Variants in SKOR2 observed in about 807,000 individuals in gnomAD.
SKOR2 encodes the protein LBX1 corepressor 1-like protein.
Under a neutral mutation model 69.1 loss-of-function variants are expected in SKOR2, and 47 were observed. The ratio of observed to expected loss-of-function variants is 0.68; its 90% CI spans 0.54 to 0.87. The LOEUF is 0.87. Ranked by LOEUF, SKOR2 falls within the 40% of genes least tolerant of loss-of-function variation. The pLI is 0.00. For synonymous variants in SKOR2, 717 were observed against 672.6 expected (o/e 1.07, Z -1.02); for missense variants, 1,404 against 1,472.2 (o/e 0.95, Z 0.76).
chr18:47,220,497 C>T (rs1424510960), intron 6 of SKOR2, among the ~76,000 whole-genome samples: 1 of 152,128 alleles, frequency 6.6e-6, no homozygotes, highest in East Asian at 1.9e-4. Flanking sequence ...TCATCTCACT[C>T]CTAAGAGAGA....
intron 4 of SKOR2, among the ~76,000 whole-genome samples, chr18:47,235,780 C>CAAAAAAAAAAAAAAAAAAAA (rs11433396): frequency 1.7e-5 from 1 of 59,274 alleles, no homozygotes; most frequent in Non-Finnish European, 3.6e-5. Context: ...CACAAACAAG[C>CAAAAAAAAAAAAAAAAAAAA]AAAAAAAAAA....
At chr18:47,228,293 A>AT (rs1271417591) in intron 6 of SKOR2, among the ~76,000 whole-genome samples, 3 of 152,042 alleles carry the variant, frequency 2.0e-5, no homozygotes, top group Non-Finnish European at 2.9e-5. Context: ...AAAGAGGAAA[A>AT]TTTTTTTTGT....
At chr18:47,229,645 C>T (rs777728395) in intron 6 of SKOR2, among the ~76,000 whole-genome samples, 2 of 151,864 alleles carry the variant, frequency 1.3e-5, no homozygotes, top group African/African-American at 4.8e-5. Flanking sequence ...CAGAGCAAGA[C>T]TCCATCTCAA....
chr18:47,220,157 G>A (rs2064156846), intron 6 of SKOR2, 147 bp from the exon 7 acceptor site: 1 of 626,568 alleles, frequency 1.6e-6, no homozygotes, highest in African/African-American at 1.8e-5. Flanking sequence ...CTTGTTTGAA[G>A]AATGTTTTCA....
chr18:47,231,194 G>A (rs935708678), intron 4 of SKOR2, 194 bp from the exon 5 acceptor site: 15 of 1,535,776 alleles, frequency 9.8e-6, no homozygotes, highest in Non-Finnish European at 1.3e-5. Flanking sequence ...TGCAGAAAAG[G>A]AGGGCAGAGC....
intron 6 of SKOR2, among the ~76,000 whole-genome samples, chr18:47,228,775 T>C (rs2064187376): frequency 6.6e-6 from 1 of 152,248 alleles, no homozygotes; most frequent in South Asian, 2.1e-4. Context: ...CTGTTTCTTA[T>C]GGTTTCAAAG....
chr18:47,209,901 G>A (rs1160009483), intron 8 of SKOR2, among the ~76,000 whole-genome samples: 1 of 152,144 alleles, frequency 6.6e-6, no homozygotes, highest in African/African-American at 2.4e-5. Flanking sequence ...AGACCAGCCT[G>A]CGAAATATAG....
intron 4 of SKOR2, chr18:47,234,432 C>T (rs1357273584): frequency 6.6e-6 from 1 of 152,152 alleles, no homozygotes; most frequent in Non-Finnish European, 1.5e-5. Flanking sequence ...TTCCCTCACC[C>T]CTTTTGTTTT....
chr18:47,249,360 G>A, intron 1 of SKOR2, 130 bp from the exon 2 acceptor site: 1 of 904,546 alleles, frequency 1.1e-6, no homozygotes, highest in Non-Finnish European at 1.6e-6. Context: ...ACTGGAAAAA[G>A]TGACCAAGTT....
intron 8 of SKOR2, among the ~76,000 whole-genome samples, chr18:47,210,872 G>C (rs1452181285): frequency 6.6e-6 from 1 of 151,964 alleles, no homozygotes; most frequent in Admixed American, 6.6e-5. Flanking sequence ...AGGGCCCCCA[G>C]AATCTCTTCT....
intron 4 of SKOR2, among the ~76,000 whole-genome samples, chr18:47,241,626 C>A (rs2064249031): frequency 7.7e-6 from 1 of 130,314 alleles, no homozygotes; most frequent in African/African-American, 2.6e-5. Flanking sequence ...AAACAAAAAA[C>A]AAACAAACAA....
In SKOR2 at chr18:47,247,087, C is replaced by A; in HGVS notation, c.2097G>T (p.Pro699=). ...CCAGAGGGGGCGGCGGGGGCGGCGG[C>A]GGCGGCGGCGGCGGGGCCGGGTGGT... ...ERHHPAPPPP[P]PPPPPPPLAQ... Residue 699 remains proline, a synonymous_variant, in exon 2 of 9, where the codon CCG becomes CCT. Transcript: ENST00000425639. This position sits in a 1 kb window ranked among gnomAD's most constrained non-coding sequence, Gnocchi z 6.6. The A allele has an allele frequency of 1.0e-6, 1 of 965,926 alleles. No homozygotes were observed. The highest frequency in any genetic ancestry group is 1.3e-6 in the Non-Finnish European group (1 of 754,236). The allele number at this position is 965,926 out of a possible 1,614,324, so 59.8% of individuals were successfully genotyped here.
intron 6 of SKOR2, among the ~76,000 whole-genome samples, chr18:47,225,767 G>C (rs1050362837): frequency 6.6e-6 from 1 of 152,144 alleles, no homozygotes; most frequent in African/African-American, 2.4e-5. Context: ...CTGGACTAGA[G>C]GAACACGGTG....
At position 47,246,614 on chromosome 18, in the gene SKOR2, G is replaced by T; in HGVS notation, c.2570C>A (p.Pro857Gln). 6.6e-7 allele frequency: 1 copy of T among 1,523,160 alleles called. No homozygotes were observed. Among genetic ancestry groups the T allele is most frequent in the South Asian group, 1.2e-5 (1 of 83,610 alleles). The allele number at this position is 1,523,160 out of a possible 1,614,324, so 94.4% of individuals were successfully genotyped here. A position where few individuals can be genotyped will look rare whatever the true frequency, so the allele number is the denominator to read the frequency against. Residue 857 changes from proline (P) to glutamine (Q), a missense_variant, in exon 2 of 9, where the codon CCA becomes CAA. By Grantham distance (76) the Pro-to-Gln change is moderately conservative (BLOSUM62 -1). Around this residue, in one of 3 missense-constraint regions of SKOR2, gnomAD observed 1,266 missense variants for 1,309.9 expected, o/e 0.97. Transcript: ENST00000425639. ...CTCCTCCAGTGATGGATGGTGAACT[G>T]GGCTGCCCGGGCTGCTGCTGCCGCC... ...SGGGSSSPGS[P>Q]VHHPSLEEQP...
At chr18:47,235,295 G>C (rs1313334675) in intron 4 of SKOR2, among the ~76,000 whole-genome samples, 1 of 152,154 alleles carries the variant, frequency 6.6e-6, no homozygotes, top group East Asian at 1.9e-4. Flanking sequence ...CAAGGCTGAG[G>C]TGAGTCATCA....
At chr18:47,232,784 C>A (rs552296094) in intron 4 of SKOR2, among the ~76,000 whole-genome samples, 2 of 152,196 alleles carry the variant, frequency 1.3e-5, no homozygotes, top group African/African-American at 2.4e-5. Flanking sequence ...TTACAGTAAG[C>A]GGGGGCCAGA....
chr18:47,215,366 T>C (rs2064140882), intron 7 of SKOR2, among the ~76,000 whole-genome samples: 2 of 152,058 alleles, frequency 1.3e-5, no homozygotes, highest in Admixed American at 6.6e-5. Context: ...CTACCTTTTT[T>C]TAAAAAAAAG....
In SKOR2 at chr18:47,249,015, C is replaced by T. The variant is rs1318602044; in HGVS notation, c.169G>A (p.Asp57Asn). The change falls in exon 2 of 9, where the codon GAC becomes AAC. Residue 57 changes from aspartate (D) to asparagine (N), a missense_variant. This residue lies in a region of SKOR2 where 104 missense variants were observed against 95.7 expected (regional missense o/e 1.09). Coordinates refer to ENST00000425639, the MANE Select transcript of SKOR2 (RefSeq NM_001278063.4). ...GCCAGGCACAGGCGCTCTTGCCCGT[C>T]GATCACCAACGACACGATGGGAATG... ...YGIPIVSLVI[D>N]GQERLCLAQI... is the part of the protein sequence containing the mutation. 4 of 1,544,324 alleles carry T rather than the reference C, an allele frequency of 2.6e-6. No homozygotes were observed. The highest frequency in any genetic ancestry group is 2.4e-5 in the East Asian group (1 of 41,654).
chr18:47,226,103 C>A (rs931300766), intron 6 of SKOR2, among the ~76,000 whole-genome samples: 1 of 152,044 alleles, frequency 6.6e-6, no homozygotes, highest in Non-Finnish European at 1.5e-5. Flanking sequence ...TTAGCAGGTC[C>A]CAGGTTTGGG....
Sources: allele counts gnomAD v4.1 joint callset (sites outside exome capture counted in the v4.1 genomes callset), GRCh38; gene constraint gnomAD v4.1.1; regional missense constraint gnomAD v4.1.1; non-coding constraint Gnocchi (gnomAD v3.1); transcripts MANE v1.5; gene names NCBI Gene and HGNC (gene_info 2026-07-23, HGNC 2026-07-21).